Variants in CNTLN observed in about 807,000 individuals in gnomAD.
CNTLN encodes the protein centlein, also known as centlein, centrosomal protein.
Under a neutral mutation model 180.0 loss-of-function variants are expected in CNTLN, and 212 were observed. The ratio of observed to expected loss-of-function variants is 1.18; its 90% CI spans 1.05 to 1.32. CNTLN has a LOEUF of 1.32. Ranked by LOEUF, CNTLN falls within the 40% of genes most tolerant of loss-of-function variation. The pLI is 0.00. For missense variants in CNTLN, 2,095 were observed against 1,610.9 expected (o/e 1.30, Z -5.14); for synonymous variants, 722 against 563.1 (o/e 1.28, Z -3.99).
intron 18 of CNTLN, among the ~76,000 whole-genome samples, chr9:17,433,702 A>G (rs1001775383): frequency 6.6e-6 from 1 of 151,956 alleles, no homozygotes; most frequent in African/African-American, 2.4e-5. Context: ...ATCATGGCTC[A>G]CTGTAACCTC....
Position 17,382,985 on chromosome 9 carries a change from T to C in CNTLN, c.1988-5177T>C, listed in dbSNP as rs934725298. Among the ~76,000 whole-genome samples, 4 of 152,298 alleles carry C rather than the reference T, an allele frequency of 2.6e-5. No individual in the cohort carries two copies. The East Asian group carries it at 7.7e-4, about 29-fold the overall frequency. ...ACCTCTGGACCAGTGTACACAGTAC[T>C]ATATTCCTTTCTTGCAGGTTCCATG... On this transcript the variant is annotated intron_variant, in intron 13 of 25. Transcript: ENST00000380647.
At chr9:17,415,717 G>A (rs1587934176) in intron 16 of CNTLN, 71 bp from the exon 17 acceptor site, 4 of 968,714 alleles carry the variant, frequency 4.1e-6, no homozygotes, top group Admixed American at 2.1e-5. Flanking sequence ...GTAAAGAGAT[G>A]TTATTTATAT....
At chr9:17,411,240 A>G (rs1354206957) in intron 16 of CNTLN, among the ~76,000 whole-genome samples, 2 of 152,138 alleles carry the variant, frequency 1.3e-5, no homozygotes, top group African/African-American at 2.4e-5. Flanking sequence ...AGTAGGTCAG[A>G]CAATACATGC....
intron 2 of CNTLN, among the ~76,000 whole-genome samples, chr9:17,207,481 G>A (rs1823004435): frequency 6.6e-6 from 1 of 152,148 alleles, no homozygotes; most frequent in Non-Finnish European, 1.5e-5. Context: ...GTCCCTGGTG[G>A]TGTCAGCACA....
intron 2 of CNTLN, among the ~76,000 whole-genome samples, chr9:17,223,849 C>T (rs995468916): frequency 6.6e-6 from 1 of 152,012 alleles, no homozygotes; most frequent in African/African-American, 2.4e-5. Flanking sequence ...AGTGATTTCT[C>T]TGTTCTTAGC....
At chr9:17,268,365 G>A (rs889362163) in intron 5 of CNTLN, among the ~76,000 whole-genome samples, 1 of 152,110 alleles carries the variant, frequency 6.6e-6, no homozygotes, top group East Asian at 1.9e-4. Context: ...TTGGTGACCC[G>A]CAAATGCTGC....
intron 25 of CNTLN, chr9:17,494,968 G>T (rs1485439184): frequency 4.6e-6 from 2 of 432,068 alleles, no homozygotes; most frequent in East Asian, 7.7e-5. Flanking sequence ...CAAAACCTCC[G>T]CCTGCCAGAC....
At chr9:17,498,758 C>A (rs16935724) in intron 25 of CNTLN, among the ~76,000 whole-genome samples, 3,348 of 152,230 alleles carry the variant, frequency 0.022, 132 homozygotes, top group African/African-American at 0.076. Context: ...ACTTTGTAAT[C>A]CCTGGCAAAT....
chr9:17,226,202 G>C lies in CNTLN; in HGVS notation c.450-1G>C. 6.5e-7 allele frequency: 1 copy of C among 1,533,300 alleles called. No homozygotes were observed. Among genetic ancestry groups the C allele is most frequent in the Non-Finnish European group, 8.8e-7 (1 of 1,130,376 alleles). 95.0% of individuals were successfully genotyped at this position (1,533,300 alleles called of 1,614,324 possible). On this transcript the variant is annotated splice_acceptor_variant, in intron 2 of 25. Coordinates refer to ENST00000380647, the MANE Select transcript of CNTLN (RefSeq NM_017738.4). LOFTEE classifies it high-confidence loss of function. Reference sequence around the variant, plus strand: ...ATAAACTCTCTATATTTTATATCTAGAGAAAAACAGAAATCTGAAGCTAAA... The same window carrying C: ...ATAAACTCTCTATATTTTATATCTACAGAAAAACAGAAATCTGAAGCTAAA...
At chr9:17,450,212 T>C (rs947134481) in intron 18 of CNTLN, among the ~76,000 whole-genome samples, 1 of 152,210 alleles carries the variant, frequency 6.6e-6, no homozygotes, top group African/African-American at 2.4e-5. Flanking sequence ...ATATTTAGTA[T>C]GACCTTATAA....
At position 17,330,611 on chromosome 9, in the gene CNTLN, C is replaced by T. The variant is rs550756460; in HGVS notation, c.1342-21C>T. On this transcript the variant is annotated intron_variant, in intron 8 of 25. Coordinates refer to ENST00000380647, the MANE Select transcript of CNTLN (RefSeq NM_017738.4). ...AGATACAAACATAGATATCTATTTA[C>T]AATTATACTTTTTAAAATAGGTACC... 2.6e-4 allele frequency: 356 copies of T among 1,382,244 alleles called. 1 individual carries two copies. The Middle Eastern group carries it at 3.8e-3, about 15-fold the overall frequency. 85.6% of individuals were successfully genotyped at this position (1,382,244 alleles called of 1,614,324 possible).
intron 6 of CNTLN, among the ~76,000 whole-genome samples, chr9:17,295,332 G>C (rs1817804789): frequency 6.6e-6 from 1 of 152,196 alleles, no homozygotes; most frequent in South Asian, 2.1e-4. Flanking sequence ...GGGCGCCGAG[G>C]CCAAGGTGGC....
chr9:17,169,031 T>C (rs1316426307), intron 2 of CNTLN, among the ~76,000 whole-genome samples: 3 of 152,206 alleles, frequency 2.0e-5, no homozygotes, highest in Admixed American at 6.5e-5. Flanking sequence ...CGCATCTTGC[T>C]TTGTCACCCA....
intron 13 of CNTLN, among the ~76,000 whole-genome samples, chr9:17,369,621 C>T (rs889159001): frequency 4.0e-5 from 6 of 151,324 alleles, no homozygotes; most frequent in African/African-American, 1.5e-4. Context: ...GAAAAATGCA[C>T]TGGAGTCCCC....
intron 12 of CNTLN, among the ~76,000 whole-genome samples, chr9:17,360,104 G>A (rs2133378855): frequency 6.6e-6 from 1 of 152,130 alleles, no homozygotes; most frequent in South Asian, 2.1e-4. Context: ...GATTGCTTTT[G>A]CTGTGCCTTA....
chr9:17,480,915 T>C (rs944652528), intron 23 of CNTLN, among the ~76,000 whole-genome samples: 1 of 152,192 alleles, frequency 6.6e-6, no homozygotes, highest in Admixed American at 6.5e-5. Flanking sequence ...GAGAAGTACA[T>C]AGGAATCTTA....
chr9:17,363,199 C>G (rs940190116), intron 12 of CNTLN, among the ~76,000 whole-genome samples: 1 of 152,136 alleles, frequency 6.6e-6, no homozygotes, highest in Admixed American at 6.5e-5. Flanking sequence ...GTGCGTGTGC[C>G]TTTATAGTAG....
intron 15 of CNTLN, among the ~76,000 whole-genome samples, chr9:17,398,022 G>A (rs1826668936): frequency 6.6e-6 from 1 of 151,708 alleles, no homozygotes; most frequent in East Asian, 1.9e-4. Context: ...GAAAAAAATA[G>A]TATGTATATA....
At chr9:17,415,167 C>G (rs1252751284) in intron 16 of CNTLN, among the ~76,000 whole-genome samples, 2 of 151,768 alleles carry the variant, frequency 1.3e-5, no homozygotes, top group African/African-American at 4.8e-5. Context: ...GTTTTGAAAC[C>G]AAAAGTCAAC....
Sources: gnomAD v4.1 joint callset for allele counts (sites outside exome capture counted in the v4.1 genomes callset) on GRCh38, gnomAD v4.1.1 for gene constraint, MANE v1.5 for transcripts, NCBI Gene and HGNC (gene_info 2026-07-23, HGNC 2026-07-21) for gene names.